The following MGAT4A variants were observed in gnomAD, a reference collection of about 807,000 sequenced individuals.
MGAT4A encodes the protein alpha-1,3-mannosyl-glycoprotein 4-beta-N-acetylglucosaminyltransferase A.
Under a neutral mutation model 74.1 loss-of-function variants are expected in MGAT4A, and 33 were observed. That is an observed-to-expected ratio of 0.45 (90% CI 0.34 to 0.60). MGAT4A has a LOEUF of 0.60. Ranked by LOEUF, MGAT4A falls within the 20% of genes least tolerant of loss-of-function variation. MGAT4A has a pLI of 0.02. For synonymous variants in MGAT4A, 198 were observed against 210.4 expected (o/e 0.94, Z 0.51); for missense variants, 479 against 628.3 (o/e 0.76, Z 2.54).
intron 2 of MGAT4A, among the ~76,000 whole-genome samples, chr2:98,710,646 G>GA (rs1365145112): frequency 6.6e-6 from 1 of 152,144 alleles, no homozygotes; most frequent in Non-Finnish European, 1.5e-5. Context: ...TTTTAGTACA[G>GA]ATGGGGGGCG....
chr2:98,647,851 A>G (rs1270250334), intron 8 of MGAT4A, among the ~76,000 whole-genome samples: 1 of 152,234 alleles, frequency 6.6e-6, no homozygotes, highest in Admixed American at 6.5e-5. Flanking sequence ...CCCTGACTCT[A>G]CTGCCTTTTG....
Position 98,652,057 on chromosome 2 carries a change from A to C in MGAT4A, c.774+3388T>G, listed in dbSNP as rs575426266. The stretch of plus-strand genomic sequence containing the variant: ...AGATGCACCTAATAATAGAGGTCTC[A>C]GATATATGAAGTCAACACTGACAGA... On this transcript the variant is annotated intron_variant, in intron 8 of 15. Transcript: ENST00000393487. 8.1e-4 allele frequency among the ~76,000 whole-genome samples: 123 copies of C among 152,358 alleles called. 1 individual carries two copies. Among genetic ancestry groups the C allele is most frequent in the Non-Finnish European group, 1.0e-3 (68 of 68,020 alleles).
chr2:98,660,392 CCACACACACACA>C, intron 5 of MGAT4A, among the ~76,000 whole-genome samples: 1 of 138,740 alleles, frequency 7.2e-6, no homozygotes, highest in South Asian at 2.2e-4. Context: ...TCATATATAA[CCACACACACACA>C]CACACACGCA....
At chr2:98,730,495 G>A (rs1256457255) in intron 1 of MGAT4A, among the ~76,000 whole-genome samples, 3 of 152,210 alleles carry the variant, frequency 2.0e-5, no homozygotes, top group Non-Finnish European at 4.4e-5. Flanking sequence ...TGCACGGCCG[G>A]TCCCCTCGGG....
Position 98,624,889 on chromosome 2 carries a change from A to C in MGAT4A, c.*677T>G, listed in dbSNP as rs1014990164. On this transcript the variant is annotated 3_prime_UTR_variant, in exon 16 of 16. Transcript: ENST00000393487. The stretch of plus-strand genomic sequence containing the variant: ...TAAGGAATGACAAATGTCTTTGAAA[A>C]TATTTTGTTCAGTCACTGTGATTAT... 3.5e-5 allele frequency: 34 copies of C among 984,302 alleles called. No individual in the cohort carries two copies. Among genetic ancestry groups the C allele is most frequent in the Non-Finnish European group, 4.0e-5 (33 of 828,636 alleles). 61.0% of individuals were successfully genotyped at this position (984,302 alleles called of 1,614,324 possible).
chr2:98,674,255 G>A (rs1701949639), intron 4 of MGAT4A, among the ~76,000 whole-genome samples: 1 of 152,142 alleles, frequency 6.6e-6, no homozygotes, highest in Non-Finnish European at 1.5e-5. Context: ...TATCTATGAA[G>A]TTATCATTTC....
intron 8 of MGAT4A, among the ~76,000 whole-genome samples, chr2:98,655,139 C>T (rs1273900659): frequency 6.6e-6 from 1 of 152,032 alleles, no homozygotes; most frequent in Non-Finnish European, 1.5e-5. Flanking sequence ...ATAATGACAT[C>T]TTAGTTCTTC....
At chr2:98,665,669 G>A (rs1454368458) in intron 4 of MGAT4A, among the ~76,000 whole-genome samples, 1 of 152,224 alleles carries the variant, frequency 6.6e-6, no homozygotes, top group Non-Finnish European at 1.5e-5. Context: ...TTCTAGAAAG[G>A]GGAAAAAGAT....
intron 5 of MGAT4A, among the ~76,000 whole-genome samples, chr2:98,660,026 T>C (rs930023329): frequency 6.6e-6 from 1 of 152,200 alleles, no homozygotes; most frequent in Admixed American, 6.5e-5. Flanking sequence ...TTATAAAAAG[T>C]TTTTATAACA....
rs190005561 is a variant in MGAT4A at position 98,685,811 on chromosome 2, G to A, written c.95-7340C>T. On this transcript the variant is annotated intron_variant, in intron 2 of 15. Transcript: ENST00000393487. ...GGATCCTGATTCCATGGTCTGAGGT[G>A]GGGCCCAAGAATTTCTAACAAGCTC... Among the ~76,000 whole-genome samples the A allele has an allele frequency of 3.3e-5, 5 of 152,246 alleles. No individual in the cohort carries two copies. The East Asian group carries it at 5.8e-4, about 18-fold the overall frequency.
chr2:98,670,858 A>G (rs1701901789), intron 4 of MGAT4A, among the ~76,000 whole-genome samples: 1 of 152,076 alleles, frequency 6.6e-6, no homozygotes, highest in Non-Finnish European at 1.5e-5. Flanking sequence ...TCAAACAATG[A>G]CTCATAAAAT....
intron 12 of MGAT4A, 37 bp from the exon 13 acceptor site, chr2:98,636,632 G>A (rs1559155789): frequency 1.3e-6 from 2 of 1,561,876 alleles, no homozygotes; most frequent in Non-Finnish European, 8.8e-7. Flanking sequence ...ACACAAGTCG[G>A]GCTAGATTTT....
chr2:98,726,659 G>A (rs1449982384), intron 1 of MGAT4A, 92 bp from the exon 2 acceptor site: 2 of 296,722 alleles, frequency 6.7e-6, no homozygotes, highest in Non-Finnish European at 1.2e-5. Context: ...CAGACTTTTG[G>A]CAGGGCTAAA....
chr2:98,640,797 C>A (rs185749074), intron 10 of MGAT4A, among the ~76,000 whole-genome samples: 6 of 152,162 alleles, frequency 3.9e-5, no homozygotes, highest in African/African-American at 1.4e-4. Context: ...TTTCAACCAT[C>A]CTTCAACACA....
At chr2:98,696,554 T>C (rs1702277896) in intron 2 of MGAT4A, among the ~76,000 whole-genome samples, 1 of 152,220 alleles carries the variant, frequency 6.6e-6, no homozygotes, top group Non-Finnish European at 1.5e-5. Context: ...TTTTGGCAAA[T>C]TAAAGCGCAT....
chr2:98,634,111 T>C (rs932434846), intron 14 of MGAT4A, among the ~76,000 whole-genome samples: 8 of 152,146 alleles, frequency 5.3e-5, no homozygotes, highest in African/African-American at 1.9e-4. Context: ...CAAAAGAAAA[T>C]GTACAGTTAG....
In MGAT4A at chr2:98,625,609, T is replaced by G; in HGVS notation, c.1582-17A>C. 6.3e-7 allele frequency: 1 copy of G among 1,599,930 alleles called. No homozygotes were observed. The highest frequency in any genetic ancestry group is 8.5e-7 in the Non-Finnish European group (1 of 1,170,132). On this transcript the variant is annotated splice_polypyrimidine_tract_variant and intron_variant, in intron 15 of 15. Coordinates refer to ENST00000393487, the MANE Select transcript of MGAT4A (RefSeq NM_012214.3). ...AATATGAATCTGAAATACAAAATCA[T>G]AAAAGGTATGATAAAGCTGTTAATT...
chr2:98,663,401 AT>A, intron 4 of MGAT4A: 1 of 1,511,972 alleles, frequency 6.6e-7, no homozygotes, highest in Non-Finnish European at 8.8e-7. Flanking sequence ...ACTGATAAAA[AT>A]GAAAGACATT....
intron 10 of MGAT4A, among the ~76,000 whole-genome samples, chr2:98,643,347 T>A (rs150487542): frequency 0.01 from 1,585 of 152,270 alleles, 38 homozygotes; most frequent in African/African-American, 0.037. Context: ...CAATAAGATC[T>A]CTATGGTAAT....
Sources: gnomAD v4.1 joint callset for allele counts (sites outside exome capture counted in the v4.1 genomes callset) on GRCh38, gnomAD v4.1.1 for gene constraint, MANE v1.5 for transcripts, NCBI Gene and HGNC (gene_info 2026-07-23, HGNC 2026-07-21) for gene names.